The following LZTFL1 variants were observed in gnomAD, a reference collection of about 807,000 sequenced individuals.
LZTFL1 encodes leucine zipper transcription factor like 1.
In LZTFL1, 25 loss-of-function variants were observed where a neutral mutation model predicts 45.9. The ratio of observed to expected loss-of-function variants is 0.54; its 90% CI spans 0.40 to 0.76. LZTFL1 has a LOEUF of 0.76. Among genes scored for constraint, LZTFL1 ranks in the 30% least tolerant of loss-of-function variants. The probability of loss-of-function intolerance (pLI) is 0.00; values close to 1 mark genes in which losing one functional copy is unlikely to be tolerated. For missense variants in LZTFL1, 277 were observed against 331.1 expected, an observed-to-expected ratio of 0.84 and a Z score of 1.27; for synonymous variants, 93 against 117.4, an observed-to-expected ratio of 0.79 and a Z score of 1.35.
chr3:45,906,785 T>TGC (rs1245573049), intron 2 of LZTFL1, among the ~76,000 whole-genome samples: 1 of 152,216 alleles, frequency 6.6e-6, no homozygotes, highest in East Asian at 1.9e-4. Flanking sequence ...GGTGTGTGTG[T>TGC]GCAGGTCCAA....
At position 45,900,772 on chromosome 3, in the gene LZTFL1, T is replaced by C; in HGVS notation, c.-215+12348A>G. On this transcript the variant is annotated intron_variant, in intron 2 of 4. Transcript: ENST00000472635. This position sits in a 1 kb window ranked among gnomAD's most constrained non-coding sequence, Gnocchi z 4.7. ...GCCATCAGACAGGACCTTCAAAATATTTTCCTTGACCTAATGCCATCTTGT... is the reference window on the plus strand; with the variant it reads ...GCCATCAGACAGGACCTTCAAAATACTTTCCTTGACCTAATGCCATCTTGT... 3.2e-6 allele frequency: 5 copies of C among 1,570,826 alleles called. No individual in the cohort carries two copies. Among genetic ancestry groups the C allele is most frequent in the Non-Finnish European group, 2.6e-6 (3 of 1,157,570 alleles).
intron 2 of LZTFL1, among the ~76,000 whole-genome samples, chr3:45,864,213 T>C (rs1183850548): frequency 6.6e-6 from 1 of 152,194 alleles, no homozygotes; most frequent in Admixed American, 6.5e-5. Flanking sequence ...TTGTGAAACA[T>C]TTTCTAAAGT....
chr3:45,864,459 TG>T (rs1701546506), intron 2 of LZTFL1, among the ~76,000 whole-genome samples: 1 of 152,232 alleles, frequency 6.6e-6, no homozygotes. Flanking sequence ...TTATAAATTA[TG>T]GTATGTCCAT....
intron 9 of LZTFL1, among the ~76,000 whole-genome samples, chr3:45,826,712 A>C (rs1262373554): frequency 1.3e-5 from 2 of 152,204 alleles, no homozygotes; most frequent in Admixed American, 6.5e-5. Flanking sequence ...TGGAACTCTG[A>C]TAAAGGTAAA....
chr3:45,875,396 T>C (rs1224438598), intron 2 of LZTFL1, among the ~76,000 whole-genome samples: 1 of 152,214 alleles, frequency 6.6e-6, no homozygotes, highest in East Asian at 1.9e-4. Context: ...ACTCAGGTAA[T>C]GGAAGAAAAG....
chr3:45,864,169 T>G (rs925144035), intron 2 of LZTFL1, among the ~76,000 whole-genome samples: 1 of 152,192 alleles, frequency 6.6e-6, no homozygotes, highest in Non-Finnish European at 1.5e-5. Flanking sequence ...TAATGTGTAA[T>G]TATAAATTGC....
chr3:45,897,693 C>T (rs1013818677), intron 2 of LZTFL1: 8 of 1,277,406 alleles, frequency 6.3e-6, no homozygotes, highest in Non-Finnish European at 8.5e-6. Flanking sequence ...ATTTGTTCCC[C>T]AGGAACCAAA....
At position 45,912,086 on chromosome 3, in the gene LZTFL1, C is replaced by T. The variant is rs181980885; in HGVS notation, c.-215+1034G>A. Among the ~76,000 whole-genome samples, 199 of 152,314 alleles carry T rather than the reference C, an allele frequency of 1.3e-3. 1 individual carries two copies. Among genetic ancestry groups the T allele is most frequent in the Middle Eastern group, 0.01 (3 of 294 alleles). On this transcript the variant is annotated intron_variant, in intron 2 of 4. Transcript: ENST00000472635. ...ATGTCGCATGGGTGTGAATAGTGTT[C>T]GTCACATAGTCTCCCAGGGTGCCGT...
rs988538353 is a variant in LZTFL1, at chr3:45,825,880, T to A, written c.*434A>T. 3 of 157,082 alleles carry A rather than the reference T, an allele frequency of 1.9e-5. No homozygotes were observed. The highest frequency in any genetic ancestry group is 7.2e-5 in the African/African-American group (3 of 41,686). The allele number at this position is 157,082 out of a possible 1,614,324, so 9.7% of individuals were successfully genotyped here. A position where few individuals can be genotyped will look rare whatever the true frequency, so the allele number is the denominator to read the frequency against. ...AATAAAGAGACATATTTATTTGTAA[T>A]AACTCTCTTTTTTTGGTAATAACTA... On this transcript the variant is annotated 3_prime_UTR_variant, in exon 10 of 10. Coordinates refer to ENST00000296135, the MANE Select transcript of LZTFL1 (RefSeq NM_020347.4).
intron 2 of LZTFL1, among the ~76,000 whole-genome samples, chr3:45,903,544 C>T (rs1217866122): frequency 6.6e-6 from 1 of 152,240 alleles, no homozygotes; most frequent in African/African-American, 2.4e-5. Flanking sequence ...GCTGTGGTTT[C>T]CATTCCAACG....
In LZTFL1 at chr3:45,831,064, CT is replaced by C. The variant is rs1700802071; in HGVS notation, c.522+8del. 1 of 1,608,714 alleles carries C rather than the reference CT, an allele frequency of 6.2e-7. No individual in the cohort carries two copies. The highest frequency in any genetic ancestry group is 1.3e-5 in the African/African-American group (1 of 74,712). ...GTTCAATAATTGTGTCAAAACATTT[CT>C]CAGTTACCTGTATTTCAATGGTCTT... is the stretch of plus-strand genomic sequence containing the variant. On this transcript the variant is annotated splice_region_variant and intron_variant, in intron 6 of 9. Transcript: ENST00000296135.
chr3:45,913,300 C>T, intron 1 of LZTFL1: 1 of 691,066 alleles, frequency 1.4e-6, no homozygotes, highest in Non-Finnish European at 2.3e-6. Context: ...CCTAAAGATC[C>T]TTAACTTTTT....
At chr3:45,911,872 T>C (rs1441076443) in intron 2 of LZTFL1, among the ~76,000 whole-genome samples, 3 of 152,278 alleles carry the variant, frequency 2.0e-5, no homozygotes, top group South Asian at 2.1e-4. Flanking sequence ...TAAGATGATG[T>C]GAATGTCTTT....
At chr3:45,897,124 C>G (rs1702380955) in intron 2 of LZTFL1, among the ~76,000 whole-genome samples, 2 of 152,154 alleles carry the variant, frequency 1.3e-5, no homozygotes, top group Admixed American at 6.5e-5. Flanking sequence ...AGGATGGGCC[C>G]CTTGCCCTGG....
intron 2 of LZTFL1, among the ~76,000 whole-genome samples, chr3:45,865,274 A>G (rs1701559467): frequency 6.6e-6 from 1 of 152,254 alleles, no homozygotes; most frequent in Admixed American, 6.5e-5. Context: ...AATTCTAACC[A>G]CATTTTAAAA....
chr3:45,876,161 A>C (rs149570228), intron 2 of LZTFL1, among the ~76,000 whole-genome samples: 2 of 152,344 alleles, frequency 1.3e-5, no homozygotes, highest in Non-Finnish European at 2.9e-5. Flanking sequence ...TGGGAATCAC[A>C]GTCAAGTGAA....
chr3:45,834,324 A>G (rs1233004481), intron 3 of LZTFL1, 26 bp from the exon 4 acceptor site: 1 of 1,443,024 alleles, frequency 6.9e-7, no homozygotes, highest in Non-Finnish European at 9.7e-7. Flanking sequence ...AAAGATAAAA[A>G]TTATTCATTT....
At chr3:45,847,850 C>CT (rs1701241745) in intron 4 of LZTFL1, among the ~76,000 whole-genome samples, 1 of 152,086 alleles carries the variant, frequency 6.6e-6, no homozygotes, top group Non-Finnish European at 1.5e-5. Context: ...AATAAATGTC[C>CT]TTTGTGGTAT....
chr3:45,841,836 C>T, intron 1 of LZTFL1, 153 bp downstream of exon 1: 1 of 1,016,046 alleles, frequency 9.8e-7, no homozygotes, highest in South Asian at 1.5e-5. Flanking sequence ...CCGAATCTCT[C>T]GCGCCCGGCG....
Sources: gnomAD v4.1 joint callset for allele counts (sites outside exome capture counted in the v4.1 genomes callset) on GRCh38, gnomAD v4.1.1 for gene constraint, Gnocchi (gnomAD v3.1) non-coding constraint, MANE v1.5 for transcripts, NCBI Gene and HGNC (gene_info 2026-07-23, HGNC 2026-07-21) for gene names.